Variants in NSUN6 observed in about 807,000 individuals in gnomAD.
The protein encoded by NSUN6 is NOP2/Sun RNA methyltransferase 6, also known as tRNA (cytosine(72)-C(5))-methyltransferase NSUN6.
Under a neutral mutation model 58.0 loss-of-function variants are expected in NSUN6, and 64 were observed. The observed-to-expected ratio is 1.10, with a 90% CI of 0.90 to 1.36. The LOEUF is 1.36. Ranked by LOEUF, NSUN6 falls within the 40% of genes most tolerant of loss-of-function variation. The pLI, the probability that NSUN6 is intolerant of heterozygous loss-of-function variation, is 0.00. For missense variants in NSUN6, 701 were observed against 550.1 expected (o/e 1.27, Z -2.74); for synonymous variants, 231 against 193.9 (o/e 1.19, Z -1.59).
At chr10:18,571,265 T>C (rs1564738691) in intron 8 of NSUN6, among the ~76,000 whole-genome samples, 2 of 150,618 alleles carry the variant, frequency 1.3e-5, no homozygotes, top group African/African-American at 2.4e-5. Flanking sequence ...CTCCTTTCCA[T>C]TCCCTTCCTT....
intron 6 of NSUN6, among the ~76,000 whole-genome samples, chr10:18,599,689 C>T (rs964801642): frequency 3.3e-4 from 50 of 152,238 alleles, no homozygotes; most frequent in African/African-American, 8.7e-4. Context: ...AAAGGAAGGC[C>T]GCCATAGGTG....
At chr10:18,581,913 C>T (rs960050683) in intron 8 of NSUN6, among the ~76,000 whole-genome samples, 4 of 152,018 alleles carry the variant, frequency 2.6e-5, no homozygotes, top group South Asian at 2.1e-4. Flanking sequence ...AATAAACTTG[C>T]TTTCACTTTA....
chr10:18,611,258 G>T (rs1433433276), intron 5 of NSUN6, among the ~76,000 whole-genome samples: 1 of 152,058 alleles, frequency 6.6e-6, no homozygotes, highest in Non-Finnish European at 1.5e-5. Flanking sequence ...TACAATCCAA[G>T]GAGAGTCCCA....
chr10:18,547,131 A>T (rs1248073504), intron 10 of NSUN6, among the ~76,000 whole-genome samples: 2 of 152,178 alleles, frequency 1.3e-5, no homozygotes, highest in African/African-American at 2.4e-5. Flanking sequence ...AGGCTGTATC[A>T]ATTAGTTTAG....
chr10:18,642,716 A>C (rs562768168), intron 2 of NSUN6, among the ~76,000 whole-genome samples, 161 bp from the exon 3 acceptor site: 136 of 152,288 alleles, frequency 8.9e-4, no homozygotes, highest in South Asian at 5.0e-3. Flanking sequence ...AAAGACCTCA[A>C]AACAACAATG....
At chr10:18,653,953 T>C (rs1687083), upstream of NSUN6, among the ~76,000 whole-genome samples, 2 of 152,176 alleles carry the variant, frequency 1.3e-5, no homozygotes, top group East Asian at 1.9e-4. Flanking sequence ...TCTTTTTAGT[T>C]TGTGGAACTC....
chr10:18,549,379 C>A (rs2054471267), intron 9 of NSUN6, among the ~76,000 whole-genome samples: 1 of 152,216 alleles, frequency 6.6e-6, no homozygotes, highest in South Asian at 2.1e-4. Flanking sequence ...ATTCCCTGCA[C>A]TGCTTACTCC....
intron 7 of NSUN6, among the ~76,000 whole-genome samples, chr10:18,591,433 G>A (rs192904176): frequency 1.3e-5 from 2 of 152,170 alleles, no homozygotes; most frequent in African/African-American, 4.8e-5. Flanking sequence ...GAGAATTTCA[G>A]GACAATATCC....
At position 18,568,526 on chromosome 10, in the gene NSUN6, A is replaced by G. The variant is rs774346840; in HGVS notation, c.923-16555T>C. ...CCAAACCATTCTCTATTCCATTCCA[A>G]TCCATTCTCCATTCCATTCCAATCC... On this transcript the variant is annotated intron_variant, in intron 8 of 10. Transcript: ENST00000377304. Among the ~76,000 whole-genome samples, 115 of 131,678 alleles carry G rather than the reference A, an allele frequency of 8.7e-4. 1 individual carries two copies. The highest frequency in any genetic ancestry group is 1.3e-3 in the Non-Finnish European group (78 of 60,954). The allele number at this position is 131,678 out of a possible 152,430, so 86.4% of individuals were successfully genotyped here.
intron 6 of NSUN6, among the ~76,000 whole-genome samples, chr10:18,599,805 T>A (rs566268982): frequency 6.6e-6 from 1 of 152,312 alleles, no homozygotes; most frequent in South Asian, 2.1e-4. Context: ...CAGGCACCAT[T>A]TTTTTCTTCC....
intron 2 of NSUN6, among the ~76,000 whole-genome samples, chr10:18,644,363 A>T (rs1564844674): frequency 6.6e-6 from 1 of 152,194 alleles, no homozygotes; most frequent in Non-Finnish European, 1.5e-5. Context: ...CAAAGTCAAA[A>T]TGCAGGCTCA....
chr10:18,658,466 G>A (rs1416031609), upstream of NSUN6: 2 of 156,600 alleles, frequency 1.3e-5, no homozygotes, highest in Admixed American at 6.5e-5. Context: ...TTTCATGCCA[G>A]GCTGTGAAGC....
chr10:18,635,953 A>C (rs531872157), intron 3 of NSUN6, among the ~76,000 whole-genome samples: 1 of 151,230 alleles, frequency 6.6e-6, no homozygotes, highest in East Asian at 2.0e-4. Context: ...AGAATTCCAC[A>C]GATCTCCAAG....
upstream of NSUN6, among the ~76,000 whole-genome samples, chr10:18,657,438 A>C (rs1226431022): frequency 6.6e-6 from 1 of 152,194 alleles, no homozygotes. Flanking sequence ...AGTTTTCTGA[A>C]ATTTCAAAGA....
At chr10:18,570,915 CCATTCTACATTCAATTA>C (rs1378653165) in intron 8 of NSUN6, among the ~76,000 whole-genome samples, 3 of 151,758 alleles carry the variant, frequency 2.0e-5, no homozygotes, top group Non-Finnish European at 2.9e-5. Context: ...CCATTCCATT[CCATTCTACATTCAATTA>C]CATTCTACAT....
intron 8 of NSUN6, among the ~76,000 whole-genome samples, chr10:18,557,017 T>A (rs1223970015): frequency 7.3e-6 from 1 of 136,242 alleles, no homozygotes; most frequent in South Asian, 2.4e-4. Context: ...ATAGAATAGA[T>A]AGTGGAATGG....
chr10:18,592,104 T>A (rs1250343844), intron 7 of NSUN6, among the ~76,000 whole-genome samples: 2 of 151,954 alleles, frequency 1.3e-5, no homozygotes, highest in Non-Finnish European at 2.9e-5. Flanking sequence ...AAATCATGAG[T>A]GAACTCCCAT....
intron 3 of NSUN6, among the ~76,000 whole-genome samples, chr10:18,628,063 G>A (rs928280895): frequency 1.3e-5 from 2 of 152,198 alleles, no homozygotes; most frequent in Non-Finnish European, 2.9e-5. Flanking sequence ...GGAGATCTGA[G>A]AACGGGCAGA....
chr10:18,580,695 A>G (rs992017409), intron 8 of NSUN6, among the ~76,000 whole-genome samples: 2 of 152,196 alleles, frequency 1.3e-5, no homozygotes, highest in Non-Finnish European at 2.9e-5. Flanking sequence ...TCTGGCTCCA[A>G]GAGAAACAAA....
Sources: allele counts gnomAD v4.1 joint callset (sites outside exome capture counted in the v4.1 genomes callset), GRCh38; gene constraint gnomAD v4.1.1; transcripts MANE v1.5; gene names NCBI Gene and HGNC (gene_info 2026-07-23, HGNC 2026-07-21).